Variants in ANKS1B observed in about 807,000 individuals in gnomAD.
ANKS1B encodes ankyrin repeat and sterile alpha motif domain containing 1B.
ANKS1B carries 36 observed loss-of-function variants against 148.3 expected under a neutral mutation model. The observed-to-expected ratio is 0.24, with a 90% confidence interval of 0.19 to 0.32. The LOEUF is 0.32. Among genes scored for constraint, ANKS1B ranks in the 10% least tolerant of loss-of-function variants. ANKS1B has a pLI of 1.00. For missense variants in ANKS1B, 1,157 were observed against 1,542.6 expected (o/e 0.75, Z 4.19); for synonymous variants, 542 against 560.8 (o/e 0.97, Z 0.47).
intron 8 of ANKS1B, among the ~76,000 whole-genome samples, chr12:99,672,281 C>T (rs2098541726): frequency 6.6e-6 from 1 of 152,102 alleles, no homozygotes; most frequent in Admixed American, 6.6e-5. Flanking sequence ...ACTGTTAATT[C>T]ATTCCCCATT....
At chr12:99,072,227 C>T (rs2046511742) in intron 16 of ANKS1B, among the ~76,000 whole-genome samples, 1 of 152,014 alleles carries the variant, frequency 6.6e-6, no homozygotes, top group African/African-American at 2.4e-5. Context: ...TCTGTTACTT[C>T]TTGGCTCCAG....
chr12:99,411,663 A>G (rs374185962), intron 11 of ANKS1B, among the ~76,000 whole-genome samples: 38 of 152,290 alleles, frequency 2.5e-4, no homozygotes, highest in African/African-American at 8.9e-4. Flanking sequence ...ACCATTATTT[A>G]TCCACTGATT....
At chr12:99,152,802 A>G (rs2075292254) in intron 15 of ANKS1B, among the ~76,000 whole-genome samples, 1 of 152,128 alleles carries the variant, frequency 6.6e-6, no homozygotes, top group Non-Finnish European at 1.5e-5. Context: ...ATGTACAGTA[A>G]ACATAAATAA....
intron 9 of ANKS1B, among the ~76,000 whole-genome samples, chr12:99,629,662 T>C (rs551482279): frequency 2.6e-5 from 4 of 152,288 alleles, no homozygotes; most frequent in Middle Eastern, 3.4e-3. Flanking sequence ...TGGGACTTTA[T>C]AGAAGATGCT....
chr12:99,651,968 ATAT>A (rs549618876), intron 9 of ANKS1B, among the ~76,000 whole-genome samples: 81 of 151,646 alleles, frequency 5.3e-4, no homozygotes, highest in South Asian at 4.4e-3. Context: ...TATGCTATAC[ATAT>A]TATATTTTTA....
At chr12:99,235,328 G>A (rs1288370373) in intron 14 of ANKS1B, among the ~76,000 whole-genome samples, 1 of 152,042 alleles carries the variant, frequency 6.6e-6, no homozygotes. Context: ...TCTAGCTGTG[G>A]ACTTCATGCA....
intron 12 of ANKS1B, among the ~76,000 whole-genome samples, chr12:99,301,042 C>G (rs530142539): frequency 6.6e-6 from 1 of 152,078 alleles, no homozygotes; most frequent in Non-Finnish European, 1.5e-5. Context: ...CTCTGAGAAC[C>G]GGGGAGCCAA....
intron 10 of ANKS1B, among the ~76,000 whole-genome samples, chr12:99,496,543 A>G (rs1181726083): frequency 1.3e-5 from 2 of 152,216 alleles, no homozygotes; most frequent in African/African-American, 4.8e-5. Context: ...TCTTTATTTA[A>G]TAAGTCCAGT....
intron 17 of ANKS1B, among the ~76,000 whole-genome samples, chr12:98,833,534 T>C (rs1433383132): frequency 2.6e-5 from 4 of 152,168 alleles, no homozygotes; most frequent in Admixed American, 1.3e-4. Flanking sequence ...AGTTTTAAGA[T>C]AGAAGGTGGG....
intron 17 of ANKS1B, among the ~76,000 whole-genome samples, chr12:98,920,858 GTT>G (rs2099800481): frequency 1.3e-5 from 2 of 152,256 alleles, no homozygotes; most frequent in South Asian, 4.2e-4. Context: ...AAAATTTGCT[GTT>G]TTACTAAGGG....
In ANKS1B at chr12:98,801,240, G is replaced by A. The variant is rs2099002692; in HGVS notation, c.3142-115C>T. ...CTGTGAATGTACCAAAATGCATTTGGGTGTCTTATGTGAATATAAATACTT... is the reference window on the plus strand; with the variant it reads ...CTGTGAATGTACCAAAATGCATTTGAGTGTCTTATGTGAATATAAATACTT... On this transcript the variant is annotated intron_variant, in intron 20 of 26. Transcript: ENST00000683438. The surrounding 1 kb of genome is among the most constrained non-coding windows in gnomAD (Gnocchi z 5.2). The A allele has an allele frequency of 2.1e-6, 2 of 966,694 alleles. No individual in the cohort carries two copies. Among genetic ancestry groups the A allele is most frequent in the Admixed American group, 2.8e-5 (1 of 35,544 alleles). The allele number at this position is 966,694 out of a possible 1,614,324, so 59.9% of individuals were successfully genotyped here. A position where few individuals can be genotyped will look rare whatever the true frequency, so the allele number is the denominator to read the frequency against.
chr12:99,916,679 G>T (rs2094181572), intron 1 of ANKS1B, among the ~76,000 whole-genome samples: 1 of 152,134 alleles, frequency 6.6e-6, no homozygotes, highest in African/African-American at 2.4e-5. Flanking sequence ...TGGCCAGGTG[G>T]AATAACAATT....
chr12:99,737,007 G>T (rs1212171880), intron 8 of ANKS1B, among the ~76,000 whole-genome samples: 1 of 152,122 alleles, frequency 6.6e-6, no homozygotes. Flanking sequence ...TCTTACCCCA[G>T]TTAGAATGAC....
At chr12:99,886,120 C>A (rs2092810834) in intron 1 of ANKS1B, among the ~76,000 whole-genome samples, 1 of 152,294 alleles carries the variant, frequency 6.6e-6, no homozygotes, top group Non-Finnish European at 1.5e-5. Flanking sequence ...TACATTCCCA[C>A]CAGCAGTGCA....
At chr12:99,882,649 G>T (rs2092589860) in intron 1 of ANKS1B, among the ~76,000 whole-genome samples, 2 of 152,282 alleles carry the variant, frequency 1.3e-5, no homozygotes, top group South Asian at 2.1e-4. Context: ...GCGGGAAAGG[G>T]TGGGGAAGGG....
chr12:99,031,957 A>G (rs1187078222), intron 17 of ANKS1B, among the ~76,000 whole-genome samples: 3 of 152,264 alleles, frequency 2.0e-5, no homozygotes, highest in African/African-American at 7.2e-5. Flanking sequence ...CAATTAAAAA[A>G]TGAAATGTAG....
chr12:99,306,667 A>G (rs904591136), intron 12 of ANKS1B, among the ~76,000 whole-genome samples: 54 of 152,152 alleles, frequency 3.5e-4, no homozygotes, highest in Admixed American at 3.5e-3. Flanking sequence ...AGAGGCTACC[A>G]CTTCTGGTGA....
chr12:99,180,876 C>G (rs1204567959), intron 14 of ANKS1B, among the ~76,000 whole-genome samples: 1 of 151,838 alleles, frequency 6.6e-6, no homozygotes, highest in Admixed American at 6.6e-5. Flanking sequence ...CTTTCTCCCC[C>G]AAAGCAAGCC....
At chr12:99,205,377 G>T (rs1163677631) in intron 14 of ANKS1B, among the ~76,000 whole-genome samples, 1 of 152,120 alleles carries the variant, frequency 6.6e-6, no homozygotes, top group East Asian at 1.9e-4. Flanking sequence ...TAGAGAATGA[G>T]GTACTGCCTG....
Sources: allele counts gnomAD v4.1 joint callset (sites outside exome capture counted in the v4.1 genomes callset), GRCh38; gene constraint gnomAD v4.1.1; non-coding constraint Gnocchi (gnomAD v3.1); transcripts MANE v1.5; gene names NCBI Gene and HGNC (gene_info 2026-07-23, HGNC 2026-07-21).